SWAP70: variants seen among roughly 807,000 people sequenced by gnomAD.
SWAP70 encodes switch-associated protein 70.
Under a neutral mutation model 80.2 loss-of-function variants are expected in SWAP70, and 34 were observed. That is an observed-to-expected ratio of 0.42 (90% CI 0.32 to 0.56). The LOEUF is 0.56. SWAP70 is among the 20% of genes least tolerant of loss of function. SWAP70 has a pLI of 0.09. For missense variants in SWAP70, 578 were observed against 690.7 expected (o/e 0.84, Z 1.83); for synonymous variants, 239 against 238.5 (o/e 1.00, Z -0.02).
intron 1 of SWAP70, among the ~76,000 whole-genome samples, chr11:9,675,056 T>A (rs556240337): frequency 0.014 from 2,161 of 152,146 alleles, 51 homozygotes; most frequent in African/African-American, 0.048. Context: ...CTAGCACTTT[T>A]GGAGATTGAG....
At chr11:9,706,608 T>C (rs1310382881) in intron 2 of SWAP70, among the ~76,000 whole-genome samples, 1 of 152,194 alleles carries the variant, frequency 6.6e-6, no homozygotes, top group African/African-American at 2.4e-5. Context: ...TCCTGAATTT[T>C]ATGTGCATTT....
chr11:9,679,876 A>G (rs190263285), intron 1 of SWAP70, among the ~76,000 whole-genome samples: 1 of 152,146 alleles, frequency 6.6e-6, no homozygotes, highest in Admixed American at 6.5e-5. Context: ...TCACCATGTT[A>G]GCCAGGATGG....
At chr11:9,667,835 A>G (rs1319819135) in intron 1 of SWAP70, among the ~76,000 whole-genome samples, 1 of 152,208 alleles carries the variant, frequency 6.6e-6, no homozygotes, top group Admixed American at 6.5e-5. Flanking sequence ...TGCTGGGATT[A>G]CAGGCACGAG....
At chr11:9,715,036 G>A (rs58960327) in intron 3 of SWAP70, among the ~76,000 whole-genome samples, 47,663 of 147,406 alleles carry the variant, frequency 0.32, 7,913 homozygotes, top group Non-Finnish European at 0.35. Context: ...GTGCAGTGGT[G>A]CAATCATGGC....
chr11:9,672,665 C>T (rs1850434435), intron 1 of SWAP70, among the ~76,000 whole-genome samples: 1 of 151,514 alleles, frequency 6.6e-6, no homozygotes, highest in Non-Finnish European at 1.5e-5. Context: ...CACATCCAGC[C>T]TGTATCTTTC....
At chr11:9,701,272 A>G (rs1308216622) in intron 2 of SWAP70, among the ~76,000 whole-genome samples, 1 of 151,562 alleles carries the variant, frequency 6.6e-6, no homozygotes, top group African/African-American at 2.4e-5. Context: ...TCTGAGTTCA[A>G]GCGACTCTTC....
At chr11:9,671,216 TA>T (rs1340838968) in intron 1 of SWAP70, among the ~76,000 whole-genome samples, 1 of 75,182 alleles carries the variant, frequency 1.3e-5, no homozygotes, top group African/African-American at 6.0e-5. Flanking sequence ...AATATAAATA[TA>T]AAAATATATA....
At chr11:9,722,613 G>C (rs900649791) in intron 3 of SWAP70, among the ~76,000 whole-genome samples, 1 of 152,168 alleles carries the variant, frequency 6.6e-6, no homozygotes, top group Non-Finnish European at 1.5e-5. Flanking sequence ...GTTTTGAGTA[G>C]GAATATTCTA....
At chr11:9,700,355 G>A (rs1024842376) in intron 2 of SWAP70, among the ~76,000 whole-genome samples, 1 of 152,116 alleles carries the variant, frequency 6.6e-6, no homozygotes, top group Non-Finnish European at 1.5e-5. Flanking sequence ...GGTTTCCATG[G>A]TTTGAGTTTA....
intron 8 of SWAP70, 88 bp from the exon 9 acceptor site, chr11:9,740,093 A>C: frequency 8.0e-7 from 1 of 1,245,394 alleles, no homozygotes; most frequent in Non-Finnish European, 1.1e-6. Context: ...CTGAGGCTGC[A>C]GCTGTGGGCA....
chr11:9,711,608 C>T (rs577402415), intron 2 of SWAP70, among the ~76,000 whole-genome samples: 4 of 152,186 alleles, frequency 2.6e-5, no homozygotes, highest in African/African-American at 4.8e-5. Flanking sequence ...CAGTGAGTGA[C>T]GCAGAAGATC....
At chr11:9,745,833 C>T (rs897153192) in intron 9 of SWAP70, among the ~76,000 whole-genome samples, 1 of 152,166 alleles carries the variant, frequency 6.6e-6, no homozygotes, top group African/African-American at 2.4e-5. Context: ...CCACAGAAAC[C>T]ACCTTGTATT....
intron 2 of SWAP70, among the ~76,000 whole-genome samples, chr11:9,707,775 T>G (rs1850937697): frequency 6.6e-6 from 1 of 152,052 alleles, no homozygotes; most frequent in Non-Finnish European, 1.5e-5. Context: ...AGGCTGGTCT[T>G]GAACTCCTGA....
chr11:9,695,902 C>G (rs550480395), intron 2 of SWAP70, among the ~76,000 whole-genome samples: 34 of 152,052 alleles, frequency 2.2e-4, no homozygotes, highest in Admixed American at 5.9e-4. Flanking sequence ...GCTCAGGTGA[C>G]CCTCCTACCT....
At chr11:9,726,857 C>T (rs1445271304) in intron 4 of SWAP70, 1 of 456,154 alleles carries the variant, frequency 2.2e-6, no homozygotes, top group South Asian at 1.5e-5. Flanking sequence ...AGCTTAGAAG[C>T]CACATTTAGA....
chr11:9,677,101 A>G (rs1236498924), intron 1 of SWAP70, among the ~76,000 whole-genome samples: 1 of 151,886 alleles, frequency 6.6e-6, no homozygotes, highest in Non-Finnish European at 1.5e-5. Context: ...CTCTCTAATA[A>G]TAATAAACCT....
intron 6 of SWAP70, among the ~76,000 whole-genome samples, chr11:9,730,296 C>T (rs1398126845): frequency 6.7e-6 from 1 of 149,630 alleles, no homozygotes; most frequent in East Asian, 2.0e-4. Context: ...CGAGACCATC[C>T]TGGCTAACAC....
At chr11:9,732,429 TC>T (rs1851309749) in intron 6 of SWAP70, 99 bp from the exon 7 acceptor site, 3 of 1,207,014 alleles carry the variant, frequency 2.5e-6, no homozygotes, top group Non-Finnish European at 3.5e-6. Flanking sequence ...GCCTTCTGGC[TC>T]CCTGTCTCAT....
intron 5 of SWAP70, among the ~76,000 whole-genome samples, chr11:9,728,902 T>C (rs1564830889): frequency 6.6e-6 from 1 of 152,182 alleles, no homozygotes; most frequent in Non-Finnish European, 1.5e-5. Flanking sequence ...CATAAACATA[T>C]AGGACAGAAA....
Sources: allele counts gnomAD v4.1 joint callset (sites outside exome capture counted in the v4.1 genomes callset), GRCh38; gene constraint gnomAD v4.1.1; transcripts MANE v1.5; gene names NCBI Gene and HGNC (gene_info 2026-07-23, HGNC 2026-07-21).